The following EBF2 variants were observed in gnomAD, a reference collection of about 807,000 sequenced individuals.
EBF2 encodes the protein transcription factor COE2.
EBF2 carries 21 observed loss-of-function variants against 72.8 expected under a neutral mutation model. That is an observed-to-expected ratio of 0.29 (90% confidence interval 0.20 to 0.42). The LOEUF (loss-of-function observed/expected upper bound fraction) is 0.42. EBF2 is among the 10% of genes least tolerant of loss of function. EBF2 has a pLI of 1.00. For missense variants in EBF2, 637 were observed against 731.2 expected (o/e 0.87, Z 1.49); for synonymous variants, 299 against 274.2 (o/e 1.09, Z -0.89).
At chr8:25,876,994 G>C (rs923304464) in intron 10 of EBF2, among the ~76,000 whole-genome samples, 1 of 152,188 alleles carries the variant, frequency 6.6e-6, no homozygotes, top group Non-Finnish European at 1.5e-5. Context: ...TTCTTAACCA[G>C]CTGTCTAATG....
At chr8:25,944,273 C>T (rs1278644703) in intron 6 of EBF2, among the ~76,000 whole-genome samples, 1 of 152,072 alleles carries the variant, frequency 6.6e-6, no homozygotes, top group Non-Finnish European at 1.5e-5. Context: ...TCTTTATAAC[C>T]TAGCATTCCA....
chr8:25,957,403 T>C (rs1404148649), intron 6 of EBF2, among the ~76,000 whole-genome samples: 1 of 152,204 alleles, frequency 6.6e-6, no homozygotes, highest in Non-Finnish European at 1.5e-5. Flanking sequence ...TAAAGTGACT[T>C]GGGCCAGCAT....
chr8:26,022,644 C>A lies in EBF2; in HGVS notation c.551+10441G>T, dbSNP rs560439378. On this transcript the variant is annotated intron_variant, in intron 6 of 15. Coordinates refer to ENST00000520164, the MANE Select transcript of EBF2 (RefSeq NM_022659.4). ...AGTTAGGAATTTCTCCCCTTATTTC[C>A]CTCTCAAAAGCTCTTGTTAAATGGG... 1.0e-3 allele frequency among the ~76,000 whole-genome samples: 158 copies of A among 152,270 alleles called. 1 individual carries two copies. The highest frequency in any genetic ancestry group is 3.7e-3 in the African/African-American group (155 of 41,538).
chr8:25,864,491 GATACACACAAACAC>G (rs1234670888), intron 10 of EBF2, among the ~76,000 whole-genome samples: 40 of 129,146 alleles, frequency 3.1e-4, no homozygotes, highest in African/African-American at 1.2e-3. Context: ...AGAACTGGTA[GATACACACAAACAC>G]ACACACACAC....
At chr8:25,878,435 C>G (rs1802557428) in intron 10 of EBF2, among the ~76,000 whole-genome samples, 1 of 152,194 alleles carries the variant, frequency 6.6e-6, no homozygotes, top group African/African-American at 2.4e-5. Context: ...GGACTCAGCT[C>G]TGAGGTGGAA....
intron 6 of EBF2, among the ~76,000 whole-genome samples, chr8:26,028,360 C>T (rs1805337243): frequency 6.6e-5 from 10 of 152,188 alleles, no homozygotes; most frequent in Admixed American, 6.5e-4. Flanking sequence ...GGACAAAAGA[C>T]TGGGATATTT....
At chr8:25,862,065 T>C (rs948707358) in intron 11 of EBF2, among the ~76,000 whole-genome samples, 2 of 152,212 alleles carry the variant, frequency 1.3e-5, no homozygotes, top group African/African-American at 4.8e-5. Flanking sequence ...GGTGCATAAA[T>C]TTTATTCACA....
chr8:25,986,617 A>T (rs533508745), intron 6 of EBF2, among the ~76,000 whole-genome samples: 1 of 152,240 alleles, frequency 6.6e-6, no homozygotes, highest in South Asian at 2.1e-4. Flanking sequence ...TTATTTTGTA[A>T]ATCTTTTTCA....
At chr8:25,983,029 C>G (rs1257447832) in intron 6 of EBF2, among the ~76,000 whole-genome samples, 1 of 152,088 alleles carries the variant, frequency 6.6e-6, no homozygotes, top group African/African-American at 2.4e-5. Flanking sequence ...CAATGACTTT[C>G]TACAAATCAC....
At position 25,862,731 on chromosome 8, in the gene EBF2, C is replaced by G. The variant is rs1354360949; in HGVS notation, c.1076G>C (p.Gly359Ala). 3.1e-6 allele frequency: 5 copies of G among 1,599,166 alleles called. No homozygotes were observed. Among genetic ancestry groups the G allele is most frequent in the African/African-American group, 1.3e-5 (1 of 74,502 alleles). Reference sequence around the variant, plus strand: ...TACCTTAGCTAATCTCTCAGGATCTCCAGGATGCCTAGGGATGACCTTCTG... The same window carrying G: ...TACCTTAGCTAATCTCTCAGGATCTGCAGGATGCCTAGGGATGACCTTCTG... ...RLQKVIPRHP[G>A]DPERLAKEML... The change falls in exon 11 of 16, where the codon GGA (glycine) becomes GCA (alanine). Residue 359 changes from glycine (G) to alanine (A), a missense_variant. By Grantham distance (60) the Gly-to-Ala change is moderately conservative. Coordinates refer to ENST00000520164, the MANE Select transcript of EBF2 (RefSeq NM_022659.4).
intron 6 of EBF2, among the ~76,000 whole-genome samples, chr8:25,964,742 T>C (rs965548184): frequency 2.6e-5 from 4 of 152,228 alleles, no homozygotes; most frequent in African/African-American, 9.6e-5. Flanking sequence ...ATGCACATTA[T>C]GAAGGCATGC....
intron 10 of EBF2, among the ~76,000 whole-genome samples, chr8:25,874,964 G>C (rs973174911): frequency 1.3e-5 from 2 of 151,208 alleles, no homozygotes; most frequent in African/African-American, 4.9e-5. Flanking sequence ...GGAATTTCAG[G>C]GGGGAACCAT....
chr8:26,016,523 C>A (rs1440904020), intron 6 of EBF2, among the ~76,000 whole-genome samples: 1 of 152,124 alleles, frequency 6.6e-6, no homozygotes, highest in Non-Finnish European at 1.5e-5. Context: ...ACTCAGCAAT[C>A]CAATTTCAAA....
At position 25,889,805 on chromosome 8, in the gene EBF2, A is replaced by T; in HGVS notation, c.698T>A (p.Val233Asp). The T allele has an allele frequency of 6.2e-7, 1 of 1,614,006 alleles. No individual in the cohort carries two copies. The highest frequency in any genetic ancestry group is 8.5e-7 in the Non-Finnish European group (1 of 1,179,954). ...CCGTCCATGCTTGGAGTTGTTATGA[A>T]CAAACATGTTGTCAGAAACAGCCAG... Reference protein sequence around the residue: ...HVLAVSDNMFVHNNSKHGRRA... With the variant: ...HVLAVSDNMFDHNNSKHGRRA... Residue 233 changes from valine to aspartate, a missense_variant, in exon 8 of 16, where the codon GTT (valine) becomes GAT (aspartate). Around this residue, in one of 3 missense-constraint regions of EBF2, gnomAD observed 204 missense variants for 301.2 expected, o/e 0.68. Coordinates refer to ENST00000520164, the MANE Select transcript of EBF2 (RefSeq NM_022659.4).
chr8:25,950,458 C>T (rs1429306238), intron 6 of EBF2, among the ~76,000 whole-genome samples: 1 of 152,220 alleles, frequency 6.6e-6, no homozygotes, highest in East Asian at 1.9e-4. Flanking sequence ...AATCTAAATG[C>T]TTCCATGCTC....
At chr8:25,898,311 C>T (rs1802890778) in intron 7 of EBF2, among the ~76,000 whole-genome samples, 1 of 152,106 alleles carries the variant, frequency 6.6e-6, no homozygotes, top group Non-Finnish European at 1.5e-5. Context: ...ATTCTGGCAC[C>T]TAAGAAGAAT....
intron 7 of EBF2, among the ~76,000 whole-genome samples, chr8:25,907,891 C>T (rs938597291): frequency 6.6e-6 from 1 of 152,144 alleles, no homozygotes; most frequent in African/African-American, 2.4e-5. Context: ...CACTTTGCCT[C>T]GCTCTGTTTT....
Position 25,986,001 on chromosome 8 carries a change from CAAAAAAAAAAAAAA to C in EBF2, c.551+47070_551+47083del, listed in dbSNP as rs59820523. 2.1e-4 allele frequency among the ~76,000 whole-genome samples: 6 copies of C among 28,560 alleles called. 1 individual carries two copies. In the Admixed American group the frequency reaches 3.4e-3, roughly 16 times the overall value. 18.7% of individuals were successfully genotyped at this position (28,560 alleles called of 152,430 possible). A position where few individuals can be genotyped will look rare whatever the true frequency, so the allele number is the denominator to read the frequency against. On this transcript the variant is annotated intron_variant, in intron 6 of 15. Coordinates refer to ENST00000520164, the MANE Select transcript of EBF2 (RefSeq NM_022659.4). Reference sequence around the variant, plus strand: ...CGGGTGACAGAGTGAAACTCTGTCTCAAAAAAAAAAAAAAAAAAAAAAAAGTACATGAGGGGTTG... The same window carrying C: ...CGGGTGACAGAGTGAAACTCTGTCTCAAAAAAAAAAGTACATGAGGGGTTG...
chr8:25,998,575 G>T (rs1204921874), intron 6 of EBF2, among the ~76,000 whole-genome samples: 1 of 152,178 alleles, frequency 6.6e-6, no homozygotes, highest in Non-Finnish European at 1.5e-5. Context: ...GTGACGTTCT[G>T]CTTTCTTCCC....
Sources: gnomAD v4.1 joint callset for allele counts (sites outside exome capture counted in the v4.1 genomes callset) on GRCh38, gnomAD v4.1.1 for gene constraint, gnomAD v4.1.1 regional missense constraint, MANE v1.5 for transcripts, NCBI Gene and HGNC (gene_info 2026-07-23, HGNC 2026-07-21) for gene names.